Variants in PCCA observed in about 807,000 individuals in gnomAD.
PCCA encodes the protein propionyl-CoA carboxylase alpha chain, mitochondrial.
A neutral mutation model predicts 101.3 loss-of-function variants in PCCA; 74 were observed. The observed-to-expected ratio is 0.73, with a 90% CI of 0.61 to 0.89. PCCA has a LOEUF of 0.89. Among genes scored for constraint, PCCA ranks in the 40% least tolerant of loss-of-function variants. PCCA has a pLI of 0.00. For synonymous variants in PCCA, 294 were observed against 313.6 expected (o/e 0.94, Z 0.66); for missense variants, 891 against 907.0 (o/e 0.98, Z 0.23).
At chr13:100,241,738 T>A (rs1303269345) in intron 8 of PCCA, among the ~76,000 whole-genome samples, 1 of 152,224 alleles carries the variant, frequency 6.6e-6, no homozygotes. Context: ...GTGCTGGGAT[T>A]ATAGACATGA....
At chr13:100,091,410 A>G (rs1305363235) in intron 1 of PCCA, among the ~76,000 whole-genome samples, 1 of 152,196 alleles carries the variant, frequency 6.6e-6, no homozygotes, top group African/African-American at 2.4e-5. Context: ...TTGACACAAT[A>G]GGTGCTGAAT....
intron 18 of PCCA, among the ~76,000 whole-genome samples, chr13:100,348,780 CTTTCTTT>C (rs1566976564): frequency 0.023 from 1,373 of 60,994 alleles, 5 homozygotes; most frequent in Non-Finnish European, 0.03. Flanking sequence ...TTCTTTCTTT[CTTTCTTT>C]CTTCCTTCCT....
chr13:100,444,504 G>A (rs550524093), intron 20 of PCCA, among the ~76,000 whole-genome samples: 20 of 114,856 alleles, frequency 1.7e-4, no homozygotes, highest in Non-Finnish European at 2.8e-4. Context: ...GTGCAGTGAT[G>A]CAATCTTGGC....
At chr13:100,328,188 C>A (rs1477651402) in intron 16 of PCCA, among the ~76,000 whole-genome samples, 1 of 151,916 alleles carries the variant, frequency 6.6e-6, no homozygotes, top group Non-Finnish European at 1.5e-5. Context: ...CATGATGAAA[C>A]CCCGTCTCTA....
At chr13:100,330,338 G>A (rs1409982748) in intron 16 of PCCA, among the ~76,000 whole-genome samples, 2 of 152,124 alleles carry the variant, frequency 1.3e-5, no homozygotes, top group East Asian at 1.9e-4. Context: ...AATACAGCCC[G>A]TTGACTTGAC....
intron 4 of PCCA, among the ~76,000 whole-genome samples, chr13:100,145,329 C>T (rs557703188): frequency 4.6e-4 from 70 of 152,308 alleles, no homozygotes; most frequent in Admixed American, 2.4e-3. Context: ...AGCAGCATCC[C>T]TGGCGTCTTA....
At chr13:100,427,477 T>C (rs769064779) in intron 20 of PCCA, among the ~76,000 whole-genome samples, 1 of 152,240 alleles carries the variant, frequency 6.6e-6, no homozygotes, top group Non-Finnish European at 1.5e-5. Flanking sequence ...AATTTATAGC[T>C]AGATTAATAG....
intron 18 of PCCA, among the ~76,000 whole-genome samples, chr13:100,345,881 T>G (rs941713075): frequency 1.3e-5 from 2 of 152,118 alleles, no homozygotes; most frequent in African/African-American, 4.8e-5. Context: ...CTATTCTCCC[T>G]GTGCTCTAGA....
At chr13:100,321,675 G>A (rs2068061736) in intron 16 of PCCA, among the ~76,000 whole-genome samples, 1 of 149,894 alleles carries the variant, frequency 6.7e-6, no homozygotes, top group South Asian at 2.1e-4. Context: ...TGTATATAGT[G>A]AAGAATATGA....
At chr13:100,110,104 G>T (rs2152274102) in intron 2 of PCCA, among the ~76,000 whole-genome samples, 1 of 152,254 alleles carries the variant, frequency 6.6e-6, no homozygotes, top group South Asian at 2.1e-4. Flanking sequence ...CTGCACTCCA[G>T]CCTGGGCGAC....
chr13:100,182,589 G>T (rs2056901738), intron 6 of PCCA, among the ~76,000 whole-genome samples: 1 of 152,132 alleles, frequency 6.6e-6, no homozygotes, highest in Admixed American at 6.5e-5. Context: ...AGCACTGGAA[G>T]CAGAGAGTAG....
rs1473541533 is a variant in PCCA at position 100,394,508 on chromosome 13, A to T, written c.1746+25934A>T. ...CTTATGAGAGGCATGAACTGAAAATAGGCGTAAACTTGAGTAATTCCCTAA... is the reference window on the plus strand; with the variant it reads ...CTTATGAGAGGCATGAACTGAAAATTGGCGTAAACTTGAGTAATTCCCTAA... On this transcript the variant is annotated intron_variant, in intron 19 of 23. Coordinates refer to ENST00000376285, the MANE Select transcript of PCCA (RefSeq NM_000282.4). This position sits in a 1 kb window ranked among gnomAD's most constrained non-coding sequence, Gnocchi z 4.3. Among the ~76,000 whole-genome samples, 1 of 152,182 alleles carries T rather than the reference A, an allele frequency of 6.6e-6. No homozygotes were observed. The highest frequency in any genetic ancestry group is 6.5e-5 in the Admixed American group (1 of 15,280).
At chr13:100,362,267 G>T (rs2074697323) in intron 18 of PCCA, among the ~76,000 whole-genome samples, 1 of 152,006 alleles carries the variant, frequency 6.6e-6, no homozygotes, top group Admixed American at 6.6e-5. Flanking sequence ...GAATTTGACT[G>T]TATGTTAGTT....
At chr13:100,116,080 G>GT (rs1359705995) in intron 4 of PCCA, among the ~76,000 whole-genome samples, 2 of 152,100 alleles carry the variant, frequency 1.3e-5, no homozygotes, top group African/African-American at 4.8e-5. Context: ...GTGAATTCCT[G>GT]TAACAGCATC....
intron 12 of PCCA, among the ~76,000 whole-genome samples, chr13:100,287,711 C>T (rs900588572): frequency 2.0e-5 from 3 of 152,124 alleles, no homozygotes; most frequent in Non-Finnish European, 2.9e-5. Context: ...CTGGAGGTTT[C>T]ATCTTACTTG....
At chr13:100,453,577 G>A (rs1258460679) in intron 21 of PCCA, among the ~76,000 whole-genome samples, 1 of 152,100 alleles carries the variant, frequency 6.6e-6, no homozygotes, top group East Asian at 1.9e-4. Context: ...CCATGGATAA[G>A]GAAACTGTAT....
chr13:100,404,839 A>G (rs978831455), intron 19 of PCCA, among the ~76,000 whole-genome samples: 1 of 152,174 alleles, frequency 6.6e-6, no homozygotes, highest in African/African-American at 2.4e-5. Context: ...GCCTTTATCC[A>G]TGAAACAGGA....
At chr13:100,219,407 GA>G (rs1183140101) in intron 7 of PCCA, among the ~76,000 whole-genome samples, 2 of 152,152 alleles carry the variant, frequency 1.3e-5, no homozygotes, top group Non-Finnish European at 2.9e-5. Context: ...AGACCATCAG[GA>G]GAGTGTTTGA....
chr13:100,526,761 G>A (rs567603868), intron 22 of PCCA, among the ~76,000 whole-genome samples: 146 of 152,382 alleles, frequency 9.6e-4, no homozygotes, highest in Non-Finnish European at 1.4e-3. Context: ...AAGTGAGTGC[G>A]CAGCATGGTT....
Sources: allele counts gnomAD v4.1 joint callset (sites outside exome capture counted in the v4.1 genomes callset), GRCh38; gene constraint gnomAD v4.1.1; non-coding constraint Gnocchi (gnomAD v3.1); transcripts MANE v1.5; gene names NCBI Gene and HGNC (gene_info 2026-07-23, HGNC 2026-07-21).